The following NCOA2 variants were observed in gnomAD, a reference collection of about 807,000 sequenced individuals.
NCOA2 encodes class E basic helix-loop-helix protein 75.
A neutral mutation model predicts 145.1 loss-of-function variants in NCOA2; 21 were observed. That is an observed-to-expected ratio of 0.14 (90% CI 0.10 to 0.21). NCOA2 has a LOEUF of 0.21. Ranked by LOEUF, NCOA2 falls within the 10% of genes least tolerant of loss-of-function variation. The pLI is 1.00. For missense variants in NCOA2, 1,472 were observed against 1,837.6 expected, an observed-to-expected ratio of 0.80 and a Z score of 3.64; for synonymous variants, 619 against 637.5, an observed-to-expected ratio of 0.97 and a Z score of 0.44.
In NCOA2 at chr8:70,225,583, A is replaced by C. The variant is rs556677735; in HGVS notation, c.-19-8819T>G. Among the ~76,000 whole-genome samples, 13 of 151,944 alleles carry C rather than the reference A, an allele frequency of 8.6e-5. No homozygotes were observed. In the East Asian group the frequency reaches 2.5e-3, roughly 29 times the overall value. ...AAGAAAAGAAAAGAAAGAAAAGAAA[A>C]GAAAAAGAAAAAGAGAAGAAAAACA... On this transcript the variant is annotated intron_variant, in intron 2 of 22. Transcript: ENST00000452400.
At chr8:70,310,996 A>C (rs1805063299) in intron 1 of NCOA2, among the ~76,000 whole-genome samples, 1 of 152,126 alleles carries the variant, frequency 6.6e-6, no homozygotes, top group Admixed American at 6.5e-5. Flanking sequence ...ACAGTAAATA[A>C]CTATGTTTAT....
At chr8:70,392,896 G>T (rs965104030) in intron 1 of NCOA2, among the ~76,000 whole-genome samples, 1 of 152,216 alleles carries the variant, frequency 6.6e-6, no homozygotes, top group Non-Finnish European at 1.5e-5. Flanking sequence ...AAGGTTAGAG[G>T]ACTGCCTTAA....
chr8:70,359,246 T>C (rs1243437545), intron 1 of NCOA2, among the ~76,000 whole-genome samples: 2 of 152,276 alleles, frequency 1.3e-5, no homozygotes, highest in African/African-American at 2.4e-5. Flanking sequence ...CCTGAAAGTG[T>C]AGACAGATAG....
intron 1 of NCOA2, among the ~76,000 whole-genome samples, chr8:70,334,571 G>A (rs906928367): frequency 1.3e-5 from 2 of 152,080 alleles, no homozygotes; most frequent in Non-Finnish European, 2.9e-5. Flanking sequence ...ACTGGTCCAC[G>A]TTTCTTATCT....
chr8:70,203,771 A>G (rs367569082), intron 4 of NCOA2, among the ~76,000 whole-genome samples: 1 of 152,222 alleles, frequency 6.6e-6, no homozygotes, highest in Non-Finnish European at 1.5e-5. Context: ...TCTTCAAACT[A>G]AAAGAATGAA....
chr8:70,433,093 A>C, the NCOA2 span, among the ~76,000 whole-genome samples: 3 of 152,190 alleles, frequency 2.0e-5, no homozygotes, highest in Non-Finnish European at 4.4e-5. Flanking sequence ...CAATTTCCTC[A>C]ATAAGTAAGT....
chr8:70,123,691 C>A, intron 21 of NCOA2, 193 bp downstream of exon 21: 1 of 435,262 alleles, frequency 2.3e-6, no homozygotes, highest in Admixed American at 4.1e-5. Flanking sequence ...GTCAGGAATC[C>A]TTTCTGTTTA....
At chr8:70,419,172 T>C in the NCOA2 span, among the ~76,000 whole-genome samples, 3 of 152,144 alleles carry the variant, frequency 2.0e-5, no homozygotes, top group Non-Finnish European at 4.4e-5. Flanking sequence ...TGGCTTGGTT[T>C]CACTGTTGGC....
chr8:70,290,125 C>G (rs1018102058), intron 2 of NCOA2, among the ~76,000 whole-genome samples: 1 of 151,522 alleles, frequency 6.6e-6, no homozygotes, highest in Non-Finnish European at 1.5e-5. Context: ...TCTCTTTAAT[C>G]TTTGTAGATG....
intron 1 of NCOA2, among the ~76,000 whole-genome samples, chr8:70,339,499 C>A (rs2136435605): frequency 6.6e-6 from 1 of 152,078 alleles, no homozygotes; most frequent in Non-Finnish European, 1.5e-5. Context: ...TGAAAATGGC[C>A]ATACTGCCCA....
At chr8:70,313,901 C>T (rs1163506355) in intron 1 of NCOA2, among the ~76,000 whole-genome samples, 2 of 151,986 alleles carry the variant, frequency 1.3e-5, no homozygotes, top group Admixed American at 6.6e-5. Context: ...CCGGGCAAGG[C>T]GGCTCACGCC....
At chr8:70,426,873 G>C in the NCOA2 span, among the ~76,000 whole-genome samples, 1 of 152,154 alleles carries the variant, frequency 6.6e-6, no homozygotes, top group Non-Finnish European at 1.5e-5. Context: ...GCTCACTGTA[G>C]CCTCAACCTT....
At chr8:70,149,833 A>G (rs538633851) in intron 11 of NCOA2, among the ~76,000 whole-genome samples, 107 of 152,310 alleles carry the variant, frequency 7.0e-4, no homozygotes, top group Non-Finnish European at 1.2e-3. Flanking sequence ...TTCCTCAGTC[A>G]TTGGACTTTG....
intron 1 of NCOA2, among the ~76,000 whole-genome samples, chr8:70,327,442 T>G (rs903592261): frequency 5.9e-5 from 9 of 152,200 alleles, no homozygotes; most frequent in Non-Finnish European, 1.3e-4. Flanking sequence ...CAAAGTTAAG[T>G]GAGTACCAAA....
intron 4 of NCOA2, among the ~76,000 whole-genome samples, chr8:70,209,174 T>G (rs771210418): frequency 1.3e-5 from 2 of 152,202 alleles, no homozygotes; most frequent in African/African-American, 2.4e-5. Context: ...GTGGAGGAAG[T>G]AACTCTAGAT....
chr8:70,129,073 G>T, intron 16 of NCOA2, 93 bp from the exon 17 acceptor site: 1 of 1,239,646 alleles, frequency 8.1e-7, no homozygotes, highest in Non-Finnish European at 1.1e-6. Context: ...TCATATATTT[G>T]AAGCTTTTTA....
At chr8:70,136,778 AAG>A (rs1809785471) in intron 15 of NCOA2, among the ~76,000 whole-genome samples, 1 of 152,232 alleles carries the variant, frequency 6.6e-6, no homozygotes, top group African/African-American at 2.4e-5. Context: ...TTTATTTCAA[AAG>A]AGAGACATGG....
At position 70,315,827 on chromosome 8, in the gene NCOA2, C is replaced by T. The variant is rs184331223; in HGVS notation, c.-76-19027G>A. On this transcript the variant is annotated intron_variant, in intron 1 of 22. Coordinates refer to ENST00000452400, the MANE Select transcript of NCOA2 (RefSeq NM_006540.4). Reference sequence around the variant, plus strand: ...CCACAACCTAATGCTTTCAAACAGGCCACACGGCTGGCGGCCCTGAGAGCC... The same window carrying T: ...CCACAACCTAATGCTTTCAAACAGGTCACACGGCTGGCGGCCCTGAGAGCC... Among the ~76,000 whole-genome samples, 182 of 152,298 alleles carry T rather than the reference C, an allele frequency of 1.2e-3. 1 individual carries two copies. The highest frequency in any genetic ancestry group is 4.9e-4 in the Non-Finnish European group (33 of 68,028).
chr8:70,286,437 C>T (rs1338075154), intron 2 of NCOA2, among the ~76,000 whole-genome samples: 1 of 152,016 alleles, frequency 6.6e-6, no homozygotes, highest in Non-Finnish European at 1.5e-5. Flanking sequence ...CAAACCCTTG[C>T]TAGAAAGTAA....
Sources: gnomAD v4.1 joint callset for allele counts (sites outside exome capture counted in the v4.1 genomes callset) on GRCh38, gnomAD v4.1.1 for gene constraint, MANE v1.5 for transcripts, NCBI Gene and HGNC (gene_info 2026-07-23, HGNC 2026-07-21) for gene names.